RAB34: variants seen among roughly 807,000 people sequenced by gnomAD.
The protein encoded by RAB34 is RAB34, member RAS oncogene family, also known as ras-related protein Rab-34.
RAB34 carries 33 observed loss-of-function variants against 39.0 expected under a neutral mutation model. The ratio of observed to expected loss-of-function variants is 0.85; its 90% CI spans 0.64 to 1.13. The LOEUF (loss-of-function observed/expected upper bound fraction) is 1.13, where lower values mean the gene tolerates loss of function less well. RAB34 is among the 50% of genes most tolerant of loss of function. The pLI is 0.00. For missense variants in RAB34, 289 were observed against 326.1 expected, an observed-to-expected ratio of 0.89 and a Z score of 0.88; for synonymous variants, 135 against 125.1, an observed-to-expected ratio of 1.08 and a Z score of -0.53.
At chr17:28,716,692 A>C (rs1473018387) in intron 2 of RAB34, 7 of 525,450 alleles carry the variant, frequency 1.3e-5, no homozygotes, top group Non-Finnish European at 1.9e-5. Flanking sequence ...TCAGAAATCC[A>C]GCTGCCACCC....
upstream of RAB34, chr17:28,717,990 G>A: frequency 7.9e-7 from 1 of 1,260,974 alleles, no homozygotes; most frequent in Non-Finnish European, 1.0e-6. Flanking sequence ...CCCCGCTCAG[G>A]CTCCCTCTTT....
upstream of RAB34, chr17:28,718,259 G>A: frequency 6.4e-7 from 1 of 1,555,512 alleles, no homozygotes; most frequent in South Asian, 1.2e-5. Flanking sequence ...GGCCTGGGAG[G>A]TGACTCATAG....
In RAB34 at chr17:28,717,851, G is replaced by A. The variant is rs2151714682; in HGVS notation, c.-585C>T. 1.5e-6 allele frequency: 2 copies of A among 1,345,568 alleles called. No homozygotes were observed. The highest frequency in any genetic ancestry group is 4.0e-5 in the South Asian group (2 of 50,410). The allele number at this position is 1,345,568 out of a possible 1,614,324, so 83.4% of individuals were successfully genotyped here. Reference sequence around the variant, plus strand: ...CAGGGCCTCGAGTCCCACTCCGCTCGGGCTCCGCCAACGCTGTAACACGAT... The same window carrying A: ...CAGGGCCTCGAGTCCCACTCCGCTCAGGCTCCGCCAACGCTGTAACACGAT... On this transcript the variant is annotated 5_prime_UTR_variant, in exon 1 of 10. Transcript: ENST00000395245.
intron 2 of RAB34, 80 bp from the exon 3 acceptor site, chr17:28,716,138 C>A: frequency 1.3e-6 from 2 of 1,599,548 alleles, no homozygotes; most frequent in South Asian, 1.1e-5. Context: ...CGACTAGGTC[C>A]AGAAAGGTAG....
Position 28,714,455 on chromosome 17 carries a change from G to T in RAB34, c.*188C>A. On this transcript the variant is annotated 3_prime_UTR_variant, in exon 10 of 10. Coordinates refer to ENST00000395245, the MANE Select transcript of RAB34 (RefSeq NM_031934.6). ...GAGGAGTAGGGGGCATCCAGTCTTT[G>T]GCACGGTGCCTGGGGGCAGGAAGTG... The T allele has an allele frequency of 1.5e-6, 2 of 1,304,050 alleles. No individual in the cohort carries two copies. The highest frequency in any genetic ancestry group is 1.5e-5 in the African/African-American group (1 of 68,812). The allele number at this position is 1,304,050 out of a possible 1,614,324, so 80.8% of individuals were successfully genotyped here. A position where few individuals can be genotyped will look rare whatever the true frequency, so the allele number is the denominator to read the frequency against.
In RAB34 at chr17:28,714,372, G is replaced by C. The variant is rs2032974857; in HGVS notation, c.*271C>G. ...TCAAACACAAAGGGCCCAGCAGGCT[G>C]AGCAAAAGAACAGAGACACTCTCCC... is the stretch of plus-strand genomic sequence containing the variant. On this transcript the variant is annotated 3_prime_UTR_variant, in exon 10 of 10. Transcript: ENST00000395245. 4.9e-6 allele frequency: 3 copies of C among 616,952 alleles called. No individual in the cohort carries two copies. Among genetic ancestry groups the C allele is most frequent in the Non-Finnish European group, 8.6e-6 (3 of 348,100 alleles). 38.2% of individuals were successfully genotyped at this position (616,952 alleles called of 1,614,324 possible).
At chr17:28,714,745 T>TGGAGGCTCACTGTGCCCTCTGCCA in intron 9 of RAB34, 35 bp from the exon 10 acceptor site, 1 of 1,614,080 alleles carries the variant, frequency 6.2e-7, no homozygotes, top group Non-Finnish European at 8.5e-7. Context: ...AAGCAGGGAT[T>TGGAGGCTCACTGTGCCCTCTGCCA]GGAGGCTCAC....
In RAB34 at chr17:28,715,245, C is replaced by A. The variant is rs754475362; in HGVS notation, c.463G>T (p.Asp155Tyr). ...AGGAAGAGAAGCACACTGGAAGGGTCATTCTCCTTCAGGGCATCGGCCAGC... is the reference window on the plus strand; with the variant it reads ...AGGAAGAGAAGCACACTGGAAGGGTAATTCTCCTTCAGGGCATCGGCCAGC... Reference protein sequence around the residue: ...QWLADALKENDPSSVLLFLVG... With the variant: ...QWLADALKENYPSSVLLFLVG... The change falls in exon 7 of 10, where the codon GAC becomes TAC. Residue 155 changes from aspartate to tyrosine, a missense_variant. Physicochemically the swap from Asp to Tyr is radical, Grantham distance 160. Coordinates refer to ENST00000395245, the MANE Select transcript of RAB34 (RefSeq NM_031934.6). 6.2e-6 allele frequency: 10 copies of A among 1,613,686 alleles called. No homozygotes were observed. The African/African-American group carries it at 1.3e-4, about 22-fold the overall frequency.
In RAB34 at chr17:28,714,901, CT is replaced by C. The variant is rs866199310; in HGVS notation, c.605-2del. The C allele has an allele frequency of 1.2e-6, 2 of 1,613,716 alleles. No homozygotes were observed. The highest frequency in any genetic ancestry group is 2.7e-5 in the African/African-American group (2 of 74,928). On this transcript the variant is annotated splice_acceptor_variant, in intron 8 of 9. Coordinates refer to ENST00000395245, the MANE Select transcript of RAB34 (RefSeq NM_031934.6). LOFTEE classifies it high-confidence loss of function. ...AAGAAGAATTCTCGGACATTCTCACCTGACACAGAGAGCAGATAGGTGCTCA... is the reference window on the plus strand; with the variant it reads ...AAGAAGAATTCTCGGACATTCTCACCGACACAGAGAGCAGATAGGTGCTCA...
Position 28,717,245 on chromosome 17 carries a change from G to T in RAB34, c.22C>A (p.Arg8=). The T allele has an allele frequency of 6.2e-7, 1 of 1,606,276 alleles. No homozygotes were observed. Among genetic ancestry groups the T allele is most frequent in the African/African-American group, 1.3e-5 (1 of 74,934 alleles). ...AGCTCCGCCAGGACGCGATCCCTCCGCACGGGTGCCAGAATGTTCATCCTG... is the reference window on the plus strand; with the variant it reads ...AGCTCCGCCAGGACGCGATCCCTCCTCACGGGTGCCAGAATGTTCATCCTG... MNILAPV[R]RDRVLAELPQ... Residue 8 remains arginine, a synonymous_variant, in exon 1 of 10, where the codon CGG becomes AGG. Transcript: ENST00000395245.
At chr17:28,715,728 C>T in intron 4 of RAB34, 23 bp from the exon 5 acceptor site, 2 of 1,614,010 alleles carry the variant, frequency 1.2e-6, no homozygotes, top group African/African-American at 1.3e-5. Context: ...AAGAGTGAAG[C>T]ACAGGTATGT....
rs2033063543 is a variant in RAB34, at chr17:28,714,868, C to A, written c.637G>T (p.Ala213Ser). 3.1e-6 allele frequency: 5 copies of A among 1,613,970 alleles called. No individual in the cohort carries two copies. Among genetic ancestry groups the A allele is most frequent in the Admixed American group, 3.3e-5 (2 of 59,996 alleles). Residue 213 changes from alanine (A) to serine (S), a missense_variant, in exon 9 of 10, where the codon GCA (alanine) becomes TCA (serine). Physicochemically the swap from Ala to Ser is moderately conservative, Grantham distance 99. Coordinates refer to ENST00000395245, the MANE Select transcript of RAB34 (RefSeq NM_031934.6). ...ACATTGGCCTCAAAGGTCAGTGCTG[C>A]CACACGGAAGAAGAATTCTCGGACA... Reference protein sequence around the residue: ...ENVREFFFRVAALTFEANVLA... With the variant: ...ENVREFFFRVSALTFEANVLA...
At chr17:28,718,045 C>A, upstream of RAB34, 1 of 1,426,584 alleles carries the variant, frequency 7.0e-7, no homozygotes, top group Non-Finnish European at 9.3e-7. Flanking sequence ...CAGGCTGGAG[C>A]CTATCCAGAT....
At chr17:28,718,025 C>A (rs797003245), upstream of RAB34, 2 of 1,348,122 alleles carry the variant, frequency 1.5e-6, no homozygotes, top group East Asian at 5.9e-5. Flanking sequence ...GCACCAGGAC[C>A]GCCCCGACCC....
At chr17:28,718,262 A>T (rs2033879139), upstream of RAB34, 1 of 1,550,378 alleles carries the variant, frequency 6.5e-7, no homozygotes, top group Non-Finnish European at 8.7e-7. Flanking sequence ...CTGGGAGGTG[A>T]CTCATAGAGT....
rs1321933183 is a variant in RAB34 at position 28,716,016 on chromosome 17, C to G, written c.189G>C (p.Val63=). The G allele has an allele frequency of 5.6e-6, 9 of 1,614,050 alleles. No homozygotes were observed. The highest frequency in any genetic ancestry group is 7.6e-6 in the Non-Finnish European group (9 of 1,180,016). Residue 63 remains valine, a synonymous_variant, in exon 3 of 10, where the codon GTG becomes GTC. Coordinates refer to ENST00000395245, the MANE Select transcript of RAB34 (RefSeq NM_031934.6). ...ACCTATTAATGAGGCAAGTCTTCCC[C>G]ACCGACAGGTCCCCCACCACAATGA... is the stretch of plus-strand genomic sequence containing the variant. ...SKVIVVGDLS[V]GKTCLINRFC...
intron 2 of RAB34, chr17:28,716,364 T>G (rs2033436581): frequency 2.6e-6 from 1 of 390,774 alleles, no homozygotes; most frequent in Non-Finnish European, 4.6e-6. Flanking sequence ...TATATTTTAC[T>G]GGGTCGTTGT....
rs760318597 is a variant in RAB34, at chr17:28,717,550, G to T, written c.-284C>A. The T allele has an allele frequency of 1.4e-5, 20 of 1,419,620 alleles. No individual in the cohort carries two copies. The highest frequency in any genetic ancestry group is 1.7e-5 in the Non-Finnish European group (19 of 1,090,400). The allele number at this position is 1,419,620 out of a possible 1,614,324, so 87.9% of individuals were successfully genotyped here. On this transcript the variant is annotated 5_prime_UTR_variant, in exon 1 of 10. Transcript: ENST00000395245. ...GAGGAGACTCTTCGGCCGCCAATTG[G>T]GGGCGGGGAGTCCCGTCTGGTGGGG... is the stretch of plus-strand genomic sequence containing the variant.
chr17:28,715,250 T>G lies in RAB34; in HGVS notation c.458A>C (p.Glu153Ala). The G allele has an allele frequency of 6.2e-7, 1 of 1,613,668 alleles. No individual in the cohort carries two copies. Among genetic ancestry groups the G allele is most frequent in the Non-Finnish European group, 8.5e-7 (1 of 1,179,926 alleles). Residue 153 changes from glutamate to alanine, a missense_variant, in exon 7 of 10, where the codon GAG becomes GCG. Glu to Ala is a moderately radical substitution (Grantham distance 107). Coordinates refer to ENST00000395245, the MANE Select transcript of RAB34 (RefSeq NM_031934.6). ...TKQWLADALK[E>A]NDPSSVLLFL... ...GAGAAGCACACTGGAAGGGTCATTC[T>G]CCTTCAGGGCATCGGCCAGCCACTG...
Sources: allele counts gnomAD v4.1 joint callset, GRCh38; gene constraint gnomAD v4.1.1; transcripts MANE v1.5; gene names NCBI Gene and HGNC (gene_info 2026-07-23, HGNC 2026-07-21).